PARD3B: variants seen among roughly 807,000 people sequenced by gnomAD.
PARD3B encodes par-3 family cell polarity regulator beta.
PARD3B carries 103 observed loss-of-function variants against 130.2 expected under a neutral mutation model. The observed-to-expected ratio is 0.79, with a 90% CI of 0.67 to 0.93. The LOEUF is 0.93. Ranked by LOEUF, PARD3B falls within the 40% of genes least tolerant of loss-of-function variation. The probability of loss-of-function intolerance (pLI) is 0.00; values close to 1 mark genes in which losing one functional copy is unlikely to be tolerated. For missense variants in PARD3B, 1,609 were observed against 1,499.2 expected (o/e 1.07, Z -1.21); for synonymous variants, 583 against 553.2 (o/e 1.05, Z -0.76).
At chr2:204,827,420 G>T (rs1575080714) in intron 2 of PARD3B, among the ~76,000 whole-genome samples, 2 of 152,122 alleles carry the variant, frequency 1.3e-5, no homozygotes, top group South Asian at 4.1e-4. Context: ...TAAAACTTTT[G>T]TATAAATGGC....
chr2:205,559,528 G>A (rs184605562), intron 22 of PARD3B, among the ~76,000 whole-genome samples: 18 of 149,290 alleles, frequency 1.2e-4, no homozygotes, highest in Admixed American at 6.0e-4. Flanking sequence ...TTAGATTGCT[G>A]TTTTGCAATA....
At chr2:205,361,532 T>C (rs780392367) in intron 18 of PARD3B, among the ~76,000 whole-genome samples, 4 of 152,182 alleles carry the variant, frequency 2.6e-5, no homozygotes, top group Non-Finnish European at 5.9e-5. Context: ...TTCAGATTTG[T>C]CAACACCATT....
rs539337909 is a variant in PARD3B, at chr2:205,470,172, A to T, written c.3044+29500A>T. 2.0e-5 allele frequency among the ~76,000 whole-genome samples: 3 copies of T among 152,286 alleles called. No individual in the cohort carries two copies. The East Asian group carries it at 5.8e-4, about 29-fold the overall frequency. On this transcript the variant is annotated intron_variant, in intron 20 of 22. Transcript: ENST00000406610. The surrounding 1 kb of genome is among the most constrained non-coding windows in gnomAD (Gnocchi z 4.8). ...CAGTTCCAAAATTATATGGTTCTGC[A>T]ATTCTTTAATGGAAGCAAAATAGGA...
At chr2:204,990,405 T>G (rs1693558029) in intron 3 of PARD3B, among the ~76,000 whole-genome samples, 1 of 152,150 alleles carries the variant, frequency 6.6e-6, no homozygotes, top group South Asian at 2.1e-4. Flanking sequence ...GGGAACATTT[T>G]GAATATTCTC....
chr2:205,331,615 CT>C (rs2043132601), intron 18 of PARD3B, among the ~76,000 whole-genome samples: 1 of 151,532 alleles, frequency 6.6e-6, no homozygotes, highest in Non-Finnish European at 1.5e-5. Context: ...AACCCCATCT[CT>C]ACTAAAAATA....
intron 2 of PARD3B, among the ~76,000 whole-genome samples, chr2:204,797,909 A>G (rs1042420990): frequency 2.0e-5 from 3 of 152,176 alleles, no homozygotes; most frequent in Non-Finnish European, 4.4e-5. Flanking sequence ...AATGCTAAGG[A>G]TGCCATTTTT....
chr2:205,480,041 T>C (rs1389539700), intron 20 of PARD3B, among the ~76,000 whole-genome samples: 2 of 152,018 alleles, frequency 1.3e-5, no homozygotes, highest in African/African-American at 4.8e-5. Flanking sequence ...TAGCTGGGAT[T>C]ATAGGTGCCC....
At chr2:204,924,132 G>A (rs1388739120) in intron 2 of PARD3B, among the ~76,000 whole-genome samples, 2 of 152,006 alleles carry the variant, frequency 1.3e-5, no homozygotes, top group Non-Finnish European at 2.9e-5. Context: ...AACAGTTAAA[G>A]GGTGTAAGAT....
chr2:204,749,889 A>G (rs1036321046), intron 2 of PARD3B, among the ~76,000 whole-genome samples: 1 of 152,188 alleles, frequency 6.6e-6, no homozygotes, highest in Non-Finnish European at 1.5e-5. Context: ...AATGTCTAAT[A>G]AGATAAATTT....
intron 22 of PARD3B, among the ~76,000 whole-genome samples, chr2:205,586,378 A>T (rs1196239029): frequency 6.6e-6 from 1 of 152,142 alleles, no homozygotes; most frequent in Admixed American, 6.5e-5. Context: ...ACTTACCATA[A>T]TTCTTTTATG....
intron 15 of PARD3B, among the ~76,000 whole-genome samples, chr2:205,211,979 A>C (rs1234926411): frequency 6.6e-6 from 1 of 152,066 alleles, no homozygotes; most frequent in Non-Finnish European, 1.5e-5. Flanking sequence ...TTATCATAGC[A>C]CCCAAATTGA....
chr2:205,214,307 T>TTCAAAACA (rs1404199165), intron 15 of PARD3B, among the ~76,000 whole-genome samples: 1 of 152,084 alleles, frequency 6.6e-6, no homozygotes, highest in South Asian at 2.1e-4. Flanking sequence ...GGGAATTATA[T>TTCAAAACA]TCAAAACATG....
chr2:204,924,946 A>G (rs1462506987), intron 2 of PARD3B, among the ~76,000 whole-genome samples: 1 of 152,150 alleles, frequency 6.6e-6, no homozygotes, highest in East Asian at 1.9e-4. Flanking sequence ...CAACTGTAAC[A>G]TATGTACCTG....
Position 205,193,347 on chromosome 2 carries a change from G to T in PARD3B, c.2140+27G>T, listed in dbSNP as rs746717304. On this transcript the variant is annotated intron_variant, in intron 15 of 22. Coordinates refer to ENST00000406610, the MANE Select transcript of PARD3B (RefSeq NM_001302769.2). ...TAAGCAAGGGTGAGGTGACATCCAG[G>T]TCAGCTCTCCAGCCTCAGCCCATTT... 27 of 1,507,668 alleles carry T rather than the reference G, an allele frequency of 1.8e-5. No individual in the cohort carries two copies. In the South Asian group the frequency reaches 2.7e-4, roughly 15 times the overall value. The allele number at this position is 1,507,668 out of a possible 1,614,324, so 93.4% of individuals were successfully genotyped here. A position where few individuals can be genotyped will look rare whatever the true frequency, so the allele number is the denominator to read the frequency against.
intron 1 of PARD3B, among the ~76,000 whole-genome samples, chr2:204,638,287 A>C (rs2034955589): frequency 6.6e-6 from 1 of 152,244 alleles, no homozygotes. Flanking sequence ...AATTCATTAA[A>C]GAGCCTGAAT....
intron 2 of PARD3B, among the ~76,000 whole-genome samples, chr2:204,834,805 A>C (rs541671805): frequency 6.6e-6 from 1 of 152,310 alleles, no homozygotes; most frequent in Non-Finnish European, 1.5e-5. Flanking sequence ...TGATCAAATC[A>C]CTTTTACTGT....
chr2:205,024,615 A>G (rs1696878683), intron 3 of PARD3B, among the ~76,000 whole-genome samples: 1 of 152,196 alleles, frequency 6.6e-6, no homozygotes, highest in Admixed American at 6.5e-5. Context: ...GTAGGACACT[A>G]TTATTTAATT....
intron 3 of PARD3B, among the ~76,000 whole-genome samples, chr2:205,016,837 C>G (rs1227010572): frequency 6.6e-6 from 1 of 152,094 alleles, no homozygotes; most frequent in Non-Finnish European, 1.5e-5. Flanking sequence ...TCTTGAATGG[C>G]CACACATTCT....
chr2:204,849,406 C>G (rs1250998781), intron 2 of PARD3B, among the ~76,000 whole-genome samples: 1 of 152,148 alleles, frequency 6.6e-6, no homozygotes, highest in East Asian at 1.9e-4. Context: ...CAATATATGA[C>G]TAGGCTGAAT....
Sources: allele counts gnomAD v4.1 joint callset (sites outside exome capture counted in the v4.1 genomes callset), GRCh38; gene constraint gnomAD v4.1.1; non-coding constraint Gnocchi (gnomAD v3.1); transcripts MANE v1.5; gene names NCBI Gene and HGNC (gene_info 2026-07-23, HGNC 2026-07-21).